SYNE3: variants seen among roughly 807,000 people sequenced by gnomAD.
The protein encoded by SYNE3 is nesprin-3.
Under a neutral mutation model 111.2 loss-of-function variants are expected in SYNE3, and 100 were observed. The ratio of observed to expected loss-of-function variants is 0.90; its 90% CI spans 0.77 to 1.06. The LOEUF is 1.06. Among genes scored for constraint, SYNE3 ranks in the 50% least tolerant of loss-of-function variants. The pLI, the probability that SYNE3 is intolerant of heterozygous loss-of-function variation, is 0.00. For synonymous variants in SYNE3, 547 were observed against 533.9 expected (o/e 1.02, Z -0.34); for missense variants, 1,160 against 1,240.3 (o/e 0.94, Z 0.97).
intron 10 of SYNE3, 70 bp from the exon 11 acceptor site, chr14:95,443,359 C>T (rs1886516681): frequency 6.3e-7 from 1 of 1,581,958 alleles, no homozygotes; most frequent in African/African-American, 1.4e-5. Context: ...CCGATCAGGG[C>T]AGAGCCTCTG....
At chr14:95,466,268 G>A in intron 3 of SYNE3, 28 bp from the exon 4 acceptor site, 1 of 1,532,920 alleles carries the variant, frequency 6.5e-7, no homozygotes, top group Non-Finnish European at 8.8e-7. Flanking sequence ...TCAAGGTTGT[G>A]AGGGAACCAG....
At chr14:95,515,582 G>A (rs534799260) in intron 1 of SYNE3, among the ~76,000 whole-genome samples, 18 of 152,344 alleles carry the variant, frequency 1.2e-4, no homozygotes, top group African/African-American at 3.4e-4. Flanking sequence ...TCCTTTCTGG[G>A]AGGACGGTCC....
Position 95,432,107 on chromosome 14 carries a change from G to A in SYNE3, c.2699C>T (p.Ser900Phe), listed in dbSNP as rs766243230. ...TTGGAATCCAGTCGGCTCCCCTGGA[G>A]AACTTTGTGTCTGTTATTTTAGGGA... ...KDSGHLLTQSSPGEPTGFQKT... is the reference protein window; with the variant it reads ...KDSGHLLTQSFPGEPTGFQKT... The change falls in exon 17 of 18, where the codon TCT (serine) becomes TTT (phenylalanine). Residue 900 changes from serine to phenylalanine, a missense_variant. Ser to Phe is a radical substitution (Grantham distance 155, BLOSUM62 -2). Transcript: ENST00000682763. 3 of 1,612,556 alleles carry A rather than the reference G, an allele frequency of 1.9e-6. No individual in the cohort carries two copies. The highest frequency in any genetic ancestry group is 4.5e-5 in the East Asian group (2 of 44,890).
At chr14:95,468,452 T>C (rs113215467) in intron 2 of SYNE3, among the ~76,000 whole-genome samples, 2,908 of 152,264 alleles carry the variant, frequency 0.019, 35 homozygotes, top group South Asian at 0.038. Context: ...CAGAATCATC[T>C]CTGTCTTTCG....
At chr14:95,496,111 C>T (rs113178624) in intron 1 of SYNE3, among the ~76,000 whole-genome samples, 4 of 152,200 alleles carry the variant, frequency 2.6e-5, no homozygotes, top group Admixed American at 1.3e-4. Context: ...AGGTTGTGGT[C>T]GTCTTGTCTT....
In SYNE3 at chr14:95,449,921, C is replaced by G; in HGVS notation, c.1449+10G>C. On this transcript the variant is annotated intron_variant, in intron 8 of 17. Coordinates refer to ENST00000682763, the MANE Select transcript of SYNE3 (RefSeq NM_152592.6). ...CCCCAGCCCCACCCAGTTGGCAGGA[C>G]CACGGTTACCTCGATCTGGGGCAGG... 1 of 1,550,364 alleles carries G rather than the reference C, an allele frequency of 6.5e-7. No individual in the cohort carries two copies. The highest frequency in any genetic ancestry group is 1.2e-5 in the South Asian group (1 of 83,992).
At chr14:95,437,432 G>A (rs1886153450) in intron 14 of SYNE3, among the ~76,000 whole-genome samples, 2 of 152,230 alleles carry the variant, frequency 1.3e-5, no homozygotes, top group Non-Finnish European at 2.9e-5. Context: ...TGGGCCTGCA[G>A]ATGTGTCTTG....
Position 95,467,805 on chromosome 14 carries a change from G to A in SYNE3, c.307C>T (p.His103Tyr). The change falls in exon 3 of 18, where the codon CAC becomes TAC. Residue 103 changes from histidine to tyrosine, a missense_variant. Physicochemically the swap from His to Tyr is moderately conservative, Grantham distance 83. Coordinates refer to ENST00000682763, the MANE Select transcript of SYNE3 (RefSeq NM_152592.6). ...CCCTGGATGCCCTACCTGTGACAGT[G>A]AGTCATGTAGGTGACTGTCTCCTCC... Reference protein sequence around the residue: ...QWEETVTYMTHCHSRIEWVWL... With the variant: ...QWEETVTYMTYCHSRIEWVWL... 6.2e-7 allele frequency: 1 copy of A among 1,614,190 alleles called. No individual in the cohort carries two copies. The highest frequency in any genetic ancestry group is 8.5e-7 in the Non-Finnish European group (1 of 1,180,028).
rs1887370000 is a variant in SYNE3 at position 95,455,525 on chromosome 14, C to G, written c.989G>C (p.Arg330Thr). The G allele has an allele frequency of 1.2e-6, 2 of 1,613,872 alleles. No individual in the cohort carries two copies. The highest frequency in any genetic ancestry group is 1.7e-6 in the Non-Finnish European group (2 of 1,180,024). Residue 330 changes from arginine to threonine, a missense_variant, in exon 6 of 18, where the codon AGG (arginine) becomes ACG (threonine). Coordinates refer to ENST00000682763, the MANE Select transcript of SYNE3 (RefSeq NM_152592.6). Reference protein sequence around the residue: ...EERLRGLLRSRGAWEQQIKQL... With the variant: ...EERLRGLLRSTGAWEQQIKQL... ...CTTAATCTGCTGCTCCCAGGCTCCCCTGGACCGGAGCAGGCCCCGCAGCCG... is the reference window on the plus strand; with the variant it reads ...CTTAATCTGCTGCTCCCAGGCTCCCGTGGACCGGAGCAGGCCCCGCAGCCG...
intron 15 of SYNE3, 129 bp downstream of exon 15, chr14:95,436,691 A>C (rs1308638282): frequency 8.9e-6 from 10 of 1,118,804 alleles, no homozygotes; most frequent in African/African-American, 1.6e-5. Flanking sequence ...TTTAAAAGCG[A>C]TTATCTATAC....
intron 17 of SYNE3, chr14:95,429,911 C>T (rs1885649511): frequency 2.0e-6 from 2 of 978,310 alleles, no homozygotes; most frequent in Non-Finnish European, 2.4e-6. Context: ...GCAGGATGTA[C>T]AGTCTACAGG....
intron 5 of SYNE3, 37 bp downstream of exon 5, chr14:95,457,136 GTCCC>G: frequency 2.7e-6 from 1 of 372,388 alleles, no homozygotes; most frequent in East Asian, 1.1e-4. Flanking sequence ...CTCTGTGACT[GTCCC>G]TAGGGTCCCT....
rs1595166832 is a variant in SYNE3 at position 95,417,704 on chromosome 14, A to G, written c.*122T>C. 9.8e-7 allele frequency: 1 copy of G among 1,023,068 alleles called. No individual in the cohort carries two copies. Among genetic ancestry groups the G allele is most frequent in the East Asian group, 2.4e-5 (1 of 42,040 alleles). The allele number at this position is 1,023,068 out of a possible 1,614,324, so 63.4% of individuals were successfully genotyped here. A position where few individuals can be genotyped will look rare whatever the true frequency, so the allele number is the denominator to read the frequency against. On this transcript the variant is annotated 3_prime_UTR_variant, in exon 18 of 18. Coordinates refer to ENST00000682763, the MANE Select transcript of SYNE3 (RefSeq NM_152592.6). Reference sequence around the variant, plus strand: ...CTGGGAACGCTGACACAGCACTGATATGGATGCAGCTCTGCAGTCTTTGCC... The same window carrying G: ...CTGGGAACGCTGACACAGCACTGATGTGGATGCAGCTCTGCAGTCTTTGCC...
At chr14:95,467,444 CCA>C (rs771977209) in intron 3 of SYNE3, among the ~76,000 whole-genome samples, 10 of 152,132 alleles carry the variant, frequency 6.6e-5, no homozygotes, top group Non-Finnish European at 1.2e-4. Context: ...CCTGTCCCGG[CCA>C]ACCACCACCC....
At chr14:95,455,793 G>A in intron 5 of SYNE3, 69 bp from the exon 6 acceptor site, 3 of 1,500,704 alleles carry the variant, frequency 2.0e-6, no homozygotes, top group Non-Finnish European at 2.7e-6. Context: ...ATTTTCCAGA[G>A]CAGACCTGGG....
intron 1 of SYNE3, among the ~76,000 whole-genome samples, chr14:95,483,863 C>G (rs1889398088): frequency 6.6e-6 from 1 of 152,184 alleles, no homozygotes; most frequent in African/African-American, 2.4e-5. Context: ...GAAGTCCCAC[C>G]TTGGAAAGGG....
intron 1 of SYNE3, among the ~76,000 whole-genome samples, chr14:95,483,199 C>A (rs566328529): frequency 3.5e-4 from 53 of 152,352 alleles, no homozygotes; most frequent in African/African-American, 1.2e-3. Flanking sequence ...TGCTCTGGAA[C>A]TCAGAAGGCG....
chr14:95,427,522 A>T (rs1378983002), intron 17 of SYNE3, among the ~76,000 whole-genome samples: 2 of 152,212 alleles, frequency 1.3e-5, no homozygotes, highest in Non-Finnish European at 2.9e-5. Context: ...AATTAGTGAA[A>T]GTACTAAAAG....
rs142384538 is a variant in SYNE3, at chr14:95,496,448, C to T, written c.-15+20148G>A. On this transcript the variant is annotated intron_variant, in intron 1 of 17. Transcript: ENST00000682763. ...CCATTTATGAATGTCCTGTGGGAAG[C>T]CCTAGCTAAATTCACATTCCAAAAT... Among the ~76,000 whole-genome samples, 778 of 152,326 alleles carry T rather than the reference C, an allele frequency of 5.1e-3. 5 individuals are homozygous for T. The highest frequency in any genetic ancestry group is 0.01 in the Middle Eastern group (3 of 294).
Sources: gnomAD v4.1 joint callset for allele counts (sites outside exome capture counted in the v4.1 genomes callset) on GRCh38, gnomAD v4.1.1 for gene constraint, MANE v1.5 for transcripts, NCBI Gene and HGNC (gene_info 2026-07-23, HGNC 2026-07-21) for gene names.